Variants in HPS6 observed in about 807,000 individuals in gnomAD.
HPS6 encodes BLOC-2 complex member HPS6.
A neutral mutation model predicts 53.6 loss-of-function variants in HPS6; 46 were observed. That is an observed-to-expected ratio of 0.86 (90% CI 0.68 to 1.10). The LOEUF is 1.10. Ranked by LOEUF, HPS6 falls within the 50% of genes least tolerant of loss-of-function variation. The pLI, the probability that HPS6 is intolerant of heterozygous loss-of-function variation, is 0.00. For missense variants in HPS6, 1,034 were observed against 991.3 expected, an observed-to-expected ratio of 1.04 and a Z score of -0.58; for synonymous variants, 535 against 470.8, an observed-to-expected ratio of 1.14 and a Z score of -1.77.
rs201468546 is a variant in HPS6, at chr10:102,066,727, G to T, written c.1253G>T (p.Gly418Val). The T allele has an allele frequency of 1.2e-4, 196 of 1,613,980 alleles. No homozygotes were observed. The Middle Eastern group carries it at 1.8e-3, about 15-fold the overall frequency. ...TACTACCAGCGGCGGAGCCTGCGGG[G>T]TGCCCAGCTCACTCCAGAAGAACTG... Reference protein sequence around the residue: ...CGYYQRRSLRGAQLTPEELRH... With the variant: ...CGYYQRRSLRVAQLTPEELRH... Residue 418 changes from glycine (G) to valine (V), a missense_variant, in exon 1 of 1, where the codon GGT (glycine) becomes GTT (valine). Gly to Val is a moderately radical substitution (Grantham distance 109). Coordinates refer to ENST00000299238, the MANE Select transcript of HPS6 (RefSeq NM_024747.6).
chr10:102,065,679 C>G lies in HPS6; in HGVS notation c.205C>G (p.Arg69Gly), dbSNP rs751168789. The change falls in exon 1 of 1, where the codon CGG becomes GGG. Residue 69 changes from arginine (R) to glycine (G), a missense_variant. Transcript: ENST00000299238. Reference sequence around the variant, plus strand: ...GCGAGGGCCCGGCGCGGAGCTAGAGCGGGCCTGGCCGGCCGGCCAGCCCTC... The same window carrying G: ...GCGAGGGCCCGGCGCGGAGCTAGAGGGGGCCTGGCCGGCCGGCCAGCCCTC... Reference protein sequence around the residue: ...ASRGPGAELERAWPAGQPSPL... With the variant: ...ASRGPGAELEGAWPAGQPSPL... 7.4e-5 allele frequency: 113 copies of G among 1,523,458 alleles called. No homozygotes were observed. The highest frequency in any genetic ancestry group is 9.5e-5 in the Non-Finnish European group (109 of 1,145,460). The allele number at this position is 1,523,458 out of a possible 1,614,324, so 94.4% of individuals were successfully genotyped here. A position where few individuals can be genotyped will look rare whatever the true frequency, so the allele number is the denominator to read the frequency against.
chr10:102,067,266 G>C lies in HPS6; in HGVS notation c.1792G>C (p.Gly598Arg), dbSNP rs201244347. Residue 598 changes from glycine (G) to arginine (R), a missense_variant, in exon 1 of 1, where the codon GGG becomes CGG. Coordinates refer to ENST00000299238, the MANE Select transcript of HPS6 (RefSeq NM_024747.6). ...GCAGGGCGGGCCGGGCTGGGGGGCA[G>C]GGGGCCCAGGACTGCCCCTGTATCG... ...QQQGGPGWGA[G>R]GPGLPLYRRA... 5.0e-6 allele frequency: 8 copies of C among 1,612,554 alleles called. No individual in the cohort carries two copies. The East Asian group carries it at 1.6e-4, about 31-fold the overall frequency.
Position 102,066,779 on chromosome 10 carries a change from T to C in HPS6, c.1305T>C (p.Pro435=). 8.7e-6 allele frequency: 14 copies of C among 1,614,166 alleles called. No homozygotes were observed. The highest frequency in any genetic ancestry group is 1.2e-5 in the Non-Finnish European group (14 of 1,180,032). The change falls in exon 1 of 1, where the codon CCT becomes CCC. Residue 435 remains proline (P), a synonymous_variant. Coordinates refer to ENST00000299238, the MANE Select transcript of HPS6 (RefSeq NM_024747.6). ...ELRHSSTFRA[P]QALASILQGH... is the part of the protein sequence containing the mutation. The stretch of plus-strand genomic sequence containing the variant: ...GACACAGCAGCACATTCCGGGCACC[T>C]CAGGCTCTGGCCTCCATCCTCCAGG...
At position 102,065,806 on chromosome 10, in the gene HPS6, G is replaced by A; in HGVS notation, c.332G>A (p.Gly111Asp). ...GTGTGGGGCGCGGGCGTGGGGCCTG[G>A]CTGGCGGCCGCTGCAGAGCACCGAG... is the stretch of plus-strand genomic sequence containing the variant. Reference protein sequence around the residue: ...AEVWGAGVGPGWRPLQSTELC... With the variant: ...AEVWGAGVGPDWRPLQSTELC... The change falls in exon 1 of 1, where the codon GGC becomes GAC. Residue 111 changes from glycine to aspartate, a missense_variant. Physicochemically the swap from Gly to Asp is moderately conservative, Grantham distance 94. Coordinates refer to ENST00000299238, the MANE Select transcript of HPS6 (RefSeq NM_024747.6). 1 of 1,485,094 alleles carries A rather than the reference G, an allele frequency of 6.7e-7. No homozygotes were observed. The highest frequency in any genetic ancestry group is 8.9e-7 in the Non-Finnish European group (1 of 1,128,272). The allele number at this position is 1,485,094 out of a possible 1,614,324, so 92.0% of individuals were successfully genotyped here. A position where few individuals can be genotyped will look rare whatever the true frequency, so the allele number is the denominator to read the frequency against.
At position 102,066,846 on chromosome 10, in the gene HPS6, G is replaced by C. The variant is rs148245209; in HGVS notation, c.1372G>C (p.Glu458Gln). 1 of 1,614,214 alleles carries C rather than the reference G, an allele frequency of 6.2e-7. No homozygotes were observed. ...PSALLTMLRT[E>Q]LRDYRGLEQL... ...TGCACTGCTGACCATGTTGAGGACC[G>C]AGCTTCGGGATTACCGAGGCTTAGA... is the stretch of plus-strand genomic sequence containing the variant. Residue 458 changes from glutamate (E) to glutamine (Q), a missense_variant, in exon 1 of 1, where the codon GAG becomes CAG. By Grantham distance (29) the Glu-to-Gln change is conservative (BLOSUM62 2). Coordinates refer to ENST00000299238, the MANE Select transcript of HPS6 (RefSeq NM_024747.6).
Position 102,065,727 on chromosome 10 carries a change from C to CCGTGGCCAG in HPS6, c.256_264dup (p.Trp86_Ala88dup), listed in dbSNP as rs1208203730. The stretch of plus-strand genomic sequence containing the variant: ...CTCCCCGCTGGACGCCTTCTTCCTG[C>CCGTGGCCAG]CGTGGCCAGCGCGGCCGGCGCTGGT... On this transcript the variant is annotated inframe_insertion, in exon 1 of 1. Transcript: ENST00000299238. 6.7e-6 allele frequency: 10 copies of CCGTGGCCAG among 1,503,044 alleles called. No individual in the cohort carries two copies. The highest frequency in any genetic ancestry group is 8.8e-6 in the Non-Finnish European group (10 of 1,133,942). 93.1% of individuals were successfully genotyped at this position (1,503,044 alleles called of 1,614,324 possible). A position where few individuals can be genotyped will look rare whatever the true frequency, so the allele number is the denominator to read the frequency against.
In HPS6 at chr10:102,067,490, A is replaced by G; in HGVS notation, c.2016A>G (p.Lys672=). ...CCCTGCTTCGAAGTGAAATCTTCAA[A>G]CTGCTGCTGGCCGAGTTTGCCCAGC... ...SSPLLRSEIF[K]LLLAEFAQHR... Residue 672 remains lysine (K), a synonymous_variant, in exon 1 of 1, where the codon AAA becomes AAG. Transcript: ENST00000299238. 6.2e-7 allele frequency: 1 copy of G among 1,613,770 alleles called. No individual in the cohort carries two copies. Among genetic ancestry groups the G allele is most frequent in the South Asian group, 1.1e-5 (1 of 91,084 alleles).
At position 102,067,474 on chromosome 10, in the gene HPS6, G is replaced by A. The variant is rs572232567; in HGVS notation, c.2000G>A (p.Arg667Gln). 12 of 1,613,540 alleles carry A rather than the reference G, an allele frequency of 7.4e-6. No individual in the cohort carries two copies. The highest frequency in any genetic ancestry group is 4.0e-5 in the African/African-American group (3 of 74,934). Residue 667 changes from arginine to glutamine, a missense_variant, in exon 1 of 1, where the codon CGA becomes CAA. By Grantham distance (43) the Arg-to-Gln change is conservative. Transcript: ENST00000299238. ...LALGPSSPLL[R>Q]SEIFKLLLAE... ...CTCGGCCCCTCCAGTCCCCTGCTTC[G>A]AAGTGAAATCTTCAAACTGCTGCTG...
In HPS6 at chr10:102,066,586, C is replaced by T; in HGVS notation, c.1112C>T (p.Thr371Ile). The change falls in exon 1 of 1, where the codon ACC (threonine) becomes ATC (isoleucine). Residue 371 changes from threonine to isoleucine, a missense_variant. Thr to Ile is a moderately conservative substitution (Grantham distance 89). Coordinates refer to ENST00000299238, the MANE Select transcript of HPS6 (RefSeq NM_024747.6). Reference protein sequence around the residue: ...PGMEDEEELETRGNLRLLSAL... With the variant: ...PGMEDEEELEIRGNLRLLSAL... ...ATGGAGGATGAGGAAGAGCTGGAGA[C>T]CCGAGGGAATCTTCGTCTGCTTTCA... 1 of 1,614,106 alleles carries T rather than the reference C, an allele frequency of 6.2e-7. No homozygotes were observed. Among genetic ancestry groups the T allele is most frequent in the Non-Finnish European group, 8.5e-7 (1 of 1,180,044 alleles).
In HPS6 at chr10:102,065,798, G is replaced by A. The variant is rs1290035086; in HGVS notation, c.324G>A (p.Val108=). The part of the protein sequence containing the change: ...SGLAEVWGAG[V]GPGWRPLQST... ...TGGCCGAGGTGTGGGGCGCGGGCGTGGGGCCTGGCTGGCGGCCGCTGCAGA... is the reference window on the plus strand; with the variant it reads ...TGGCCGAGGTGTGGGGCGCGGGCGTAGGGCCTGGCTGGCGGCCGCTGCAGA... The change falls in exon 1 of 1, where the codon GTG becomes GTA. Residue 108 remains valine (V), a synonymous_variant. Coordinates refer to ENST00000299238, the MANE Select transcript of HPS6 (RefSeq NM_024747.6). 1 of 1,488,218 alleles carries A rather than the reference G, an allele frequency of 6.7e-7. No homozygotes were observed. The highest frequency in any genetic ancestry group is 2.7e-5 in the East Asian group (1 of 37,098). The allele number at this position is 1,488,218 out of a possible 1,614,324, so 92.2% of individuals were successfully genotyped here.
rs774347666 is a variant in HPS6, at chr10:102,066,274, C to CCCA, written c.800_801insCCA (p.Pro267_Leu268insGln). Reference sequence around the variant, plus strand: ...CCTGGGTTGCTGTCCCCCAGGGAGCCACTGGCTGTACACACCTGGGCCCCA... The same window carrying CCCA: ...CCTGGGTTGCTGTCCCCCAGGGAGCCCCAACTGGCTGTACACACCTGGGCCCCA... On this transcript the variant is annotated inframe_insertion, in exon 1 of 1. Coordinates refer to ENST00000299238, the MANE Select transcript of HPS6 (RefSeq NM_024747.6). The CCCA allele has an allele frequency of 6.2e-7, 1 of 1,614,008 alleles. No individual in the cohort carries two copies. The highest frequency in any genetic ancestry group is 8.5e-7 in the Non-Finnish European group (1 of 1,180,016).
At position 102,067,698 on chromosome 10, in the gene HPS6, C is replaced by A. The variant is rs201500586; in HGVS notation, c.2224C>A (p.Gln742Lys). Residue 742 changes from glutamine (Q) to lysine (K), a missense_variant, in exon 1 of 1, where the codon CAG becomes AAG. Gln to Lys is a moderately conservative substitution (Grantham distance 53, BLOSUM62 1). Transcript: ENST00000299238. ...GGGCTTGCTCAAAGCCCTGCTGGAG[C>A]AGACTGGGGCTCAAGGATGGCTGTC... The part of the protein sequence containing the change: ...TVGLLKALLE[Q>K]TGAQGWLSGP... The A allele has an allele frequency of 6.2e-7, 1 of 1,613,784 alleles. No individual in the cohort carries two copies. Among genetic ancestry groups the A allele is most frequent in the Non-Finnish European group, 8.5e-7 (1 of 1,180,026 alleles).
Position 102,067,439 on chromosome 10 carries a change from T to A in HPS6, c.1965T>A (p.Ala655=), listed in dbSNP as rs553831172. The change falls in exon 1 of 1, where the codon GCT becomes GCA. Residue 655 remains alanine (A), a synonymous_variant. Transcript: ENST00000299238. ...AACAATGGGATCGGGCTCTGGATGC[T>A]GGCCTGGCCCTCGGCCCCTCCAGTC... ...QKEQWDRALD[A]GLALGPSSPL... 2 of 1,613,298 alleles carry A rather than the reference T, an allele frequency of 1.2e-6. No homozygotes were observed. Among genetic ancestry groups the A allele is most frequent in the East Asian group, 4.5e-5 (2 of 44,902 alleles).
Position 102,067,809 on chromosome 10 carries a change from T to C in HPS6, c.*7T>C. On this transcript the variant is annotated 3_prime_UTR_variant, in exon 1 of 1. Transcript: ENST00000299238. The stretch of plus-strand genomic sequence containing the variant: ...TCCACCTCGGGACCTATGACTACCC[T>C]TCAGGCATCAGAACACTCAGGGCCT... 6.2e-7 allele frequency: 1 copy of C among 1,613,010 alleles called. No homozygotes were observed. Among genetic ancestry groups the C allele is most frequent in the East Asian group, 2.2e-5 (1 of 44,876 alleles).
Position 102,067,030 on chromosome 10 carries a change from G to A in HPS6, c.1556G>A (p.Gly519Asp), listed in dbSNP as rs1347907762. ...VFQALPTAAW[G>D]ATLRALQLQL... ...CAAGCCCTTCCTACAGCAGCCTGGG[G>A]TGCCACCCTCAGGGCCCTGCAGCTC... Residue 519 changes from glycine to aspartate, a missense_variant, in exon 1 of 1, where the codon GGT (glycine) becomes GAT (aspartate). By Grantham distance (94) the Gly-to-Asp change is moderately conservative. Coordinates refer to ENST00000299238, the MANE Select transcript of HPS6 (RefSeq NM_024747.6). 2 of 1,614,178 alleles carry A rather than the reference G, an allele frequency of 1.2e-6. No individual in the cohort carries two copies. The highest frequency in any genetic ancestry group is 2.2e-5 in the South Asian group (2 of 91,088).
In HPS6 at chr10:102,066,178, T is replaced by G; in HGVS notation, c.704T>G (p.Leu235Arg). The stretch of plus-strand genomic sequence containing the variant: ...ATGGTGGCTGCCCCACGGCTTGGTC[T>G]CTCCTACAGTAAGAGTCTGAATCCT... ...KVMVAAPRLG[L>R]SYSKSLNPGR... is the part of the protein sequence containing the mutation. The change falls in exon 1 of 1, where the codon CTC (leucine) becomes CGC (arginine). Residue 235 changes from leucine (L) to arginine (R), a missense_variant. Leu to Arg is a moderately radical substitution (Grantham distance 102). Transcript: ENST00000299238. 1 of 1,613,726 alleles carries G rather than the reference T, an allele frequency of 6.2e-7. No individual in the cohort carries two copies. The highest frequency in any genetic ancestry group is 1.1e-5 in the South Asian group (1 of 91,078).
At position 102,065,710 on chromosome 10, in the gene HPS6, T is replaced by TG. The variant is rs281865108; in HGVS notation, c.238dup (p.Asp80GlyfsTer96). The TG allele has an allele frequency of 7.5e-5, 113 of 1,507,968 alleles. No individual in the cohort carries two copies. The highest frequency in any genetic ancestry group is 9.7e-5 in the Non-Finnish European group (110 of 1,136,438). The allele number at this position is 1,507,968 out of a possible 1,614,324, so 93.4% of individuals were successfully genotyped here. ...TGGCCGGCCGGCCAGCCCTCCCCGC[T>TG]GGACGCCTTCTTCCTGCCGTGGCCA... On this transcript the variant is annotated frameshift_variant, in exon 1 of 1. Transcript: ENST00000299238. LOFTEE classifies it high-confidence loss of function.
At position 102,067,173 on chromosome 10, in the gene HPS6, C is replaced by T; in HGVS notation, c.1699C>T (p.Leu567Phe). 1 of 1,613,544 alleles carries T rather than the reference C, an allele frequency of 6.2e-7. No homozygotes were observed. Among genetic ancestry groups the T allele is most frequent in the Non-Finnish European group, 8.5e-7 (1 of 1,180,026 alleles). The change falls in exon 1 of 1, where the codon CTC becomes TTC. Residue 567 changes from leucine to phenylalanine, a missense_variant. By Grantham distance (22) the Leu-to-Phe change is conservative (BLOSUM62 0). Transcript: ENST00000299238. Reference protein sequence around the residue: ...PPNGILPPFELLCQCLCQLEP... With the variant: ...PPNGILPPFEFLCQCLCQLEP... ...CAATGGAATACTGCCCCCCTTTGAA[C>T]TCCTGTGCCAGTGTCTGTGCCAGCT...
In HPS6 at chr10:102,065,375, G is replaced by C; in HGVS notation, c.-100G>C. 8.0e-7 allele frequency: 1 copy of C among 1,244,044 alleles called. No homozygotes were observed. The highest frequency in any genetic ancestry group is 1.1e-6 in the Non-Finnish European group (1 of 927,828). 77.1% of individuals were successfully genotyped at this position (1,244,044 alleles called of 1,614,324 possible). A position where few individuals can be genotyped will look rare whatever the true frequency, so the allele number is the denominator to read the frequency against. ...TCTGCTCACCTCATCCACGGGAGAC[G>C]GAAGTCTTGGCCCTGCTCCGCTCCC... On this transcript the variant is annotated 5_prime_UTR_variant, in exon 1 of 1. Transcript: ENST00000299238.
Sources: gnomAD v4.1 joint callset for allele counts on GRCh38, gnomAD v4.1.1 for gene constraint, MANE v1.5 for transcripts, NCBI Gene and HGNC (gene_info 2026-07-23, HGNC 2026-07-21) for gene names.